The following YTHDF1 variants were observed in gnomAD, a reference collection of about 807,000 sequenced individuals.
The protein encoded by YTHDF1 is YTH N6-methyladenosine RNA binding protein F1, also known as YTH domain-containing family protein 1.
A neutral mutation model predicts 49.1 loss-of-function variants in YTHDF1; 16 were observed. The ratio of observed to expected loss-of-function variants is 0.33; its 90% CI spans 0.22 to 0.49. The LOEUF is 0.49. YTHDF1 is among the 20% of genes least tolerant of loss of function. YTHDF1 has a pLI of 0.99. For missense variants in YTHDF1, 621 were observed against 744.3 expected, an observed-to-expected ratio of 0.83 and a Z score of 1.93; for synonymous variants, 313 against 290.1, an observed-to-expected ratio of 1.08 and a Z score of -0.80.
At chr20:63,196,838 G>C in intron 4 of YTHDF1, 104 bp from the exon 5 acceptor site, 1 of 1,374,340 alleles carries the variant, frequency 7.3e-7, no homozygotes, top group Non-Finnish European at 1.0e-6. Flanking sequence ...TGCAAATCTG[G>C]AGGCGGGACC....
chr20:63,197,288 C>G (rs967067848), intron 4 of YTHDF1, among the ~76,000 whole-genome samples: 1 of 152,158 alleles, frequency 6.6e-6, no homozygotes, highest in African/African-American at 2.4e-5. Flanking sequence ...AGTTCAGGCC[C>G]TTCCCACTCC....
In YTHDF1 at chr20:63,196,077, A is replaced by AG. The variant is rs2058022896; in HGVS notation, c.*630dup. The AG allele has an allele frequency of 6.6e-6, 1 of 151,340 alleles. No individual in the cohort carries two copies. Among genetic ancestry groups the AG allele is most frequent in the Non-Finnish European group, 1.5e-5 (1 of 67,992 alleles). 9.4% of individuals were successfully genotyped at this position (151,340 alleles called of 1,614,324 possible). A position where few individuals can be genotyped will look rare whatever the true frequency, so the allele number is the denominator to read the frequency against. Reference sequence around the variant, plus strand: ...AGCCCAATCGGACACCAGGACAGTGAGGGACGGGTGGCTGTTCAGTGGGCA... The same window carrying AG: ...AGCCCAATCGGACACCAGGACAGTGAGGGGACGGGTGGCTGTTCAGTGGGCA... On this transcript the variant is annotated 3_prime_UTR_variant, in exon 5 of 5. Transcript: ENST00000370339.
At chr20:63,213,407 G>A (rs1188275337) in intron 3 of YTHDF1, among the ~76,000 whole-genome samples, 5 of 152,346 alleles carry the variant, frequency 3.3e-5, no homozygotes, top group Middle Eastern at 3.4e-3. Context: ...GCTCCAGCCT[G>A]GGTGGCAAGA....
rs374927858 is a variant in YTHDF1, at chr20:63,203,342, C to T, written c.598G>A (p.Val200Ile). The T allele has an allele frequency of 1.4e-4, 223 of 1,613,140 alleles. No individual in the cohort carries two copies. The highest frequency in any genetic ancestry group is 1.8e-4 in the Non-Finnish European group (214 of 1,179,860). ...CTGACGACAGAGCCCACCGTCTTGA[C>T]GGCGGAGGAGCTGACGTCCCCAATC... ...LKIGDVSSSA[V>I]KTVGSVVSSV... The change falls in exon 4 of 5, where the codon GTC becomes ATC. Residue 200 changes from valine (V) to isoleucine (I), a missense_variant. Val to Ile is a conservative substitution (Grantham distance 29). Coordinates refer to ENST00000370339, the MANE Select transcript of YTHDF1 (RefSeq NM_017798.4). The surrounding 1 kb of genome is among the most constrained non-coding windows in gnomAD (Gnocchi z 4.4).
In YTHDF1 at chr20:63,203,895, G is replaced by A. The variant is rs2122979432; in HGVS notation, c.133-88C>T. ...CGCCTCTTGCTTAAGCACAGGTGGA[G>A]CAAAAACAAAACCTGCACAGCATGG... On this transcript the variant is annotated intron_variant, in intron 3 of 4. Coordinates refer to ENST00000370339, the MANE Select transcript of YTHDF1 (RefSeq NM_017798.4). The surrounding 1 kb of genome is among the most constrained non-coding windows in gnomAD (Gnocchi z 4.4). The A allele has an allele frequency of 2.3e-6, 3 of 1,320,688 alleles. No individual in the cohort carries two copies. Among genetic ancestry groups the A allele is most frequent in the South Asian group, 3.0e-5 (2 of 66,520 alleles). 81.8% of individuals were successfully genotyped at this position (1,320,688 alleles called of 1,614,324 possible). A position where few individuals can be genotyped will look rare whatever the true frequency, so the allele number is the denominator to read the frequency against.
At chr20:63,200,844 C>T (rs1214373852) in intron 4 of YTHDF1, among the ~76,000 whole-genome samples, 1 of 152,168 alleles carries the variant, frequency 6.6e-6, no homozygotes, top group African/African-American at 2.4e-5. Flanking sequence ...CCTAAAGCTT[C>T]ATTAGCAATT....
intron 3 of YTHDF1, among the ~76,000 whole-genome samples, chr20:63,210,157 G>A (rs561441059): frequency 9.2e-5 from 14 of 152,212 alleles, no homozygotes; most frequent in Admixed American, 2.6e-4. Flanking sequence ...CAGGTGCCAG[G>A]AATTTTTCAG....
At position 63,202,549 on chromosome 20, in the gene YTHDF1, AC is replaced by A; in HGVS notation, c.1390del (p.Val464SerfsTer50). On this transcript the variant is annotated frameshift_variant, in exon 4 of 5. Transcript: ENST00000370339. LOFTEE classifies it high-confidence loss of function. ...CCCCTTCCACTTGTCCTGAGACCAG[AC>A]CCCGGCACTGGTGCCGTAGTCCACG... ...SPVDYGTSAG[V>X]WSQDKWKGKF... 1 of 1,614,202 alleles carries A rather than the reference AC, an allele frequency of 6.2e-7. No individual in the cohort carries two copies. Among genetic ancestry groups the A allele is most frequent in the Non-Finnish European group, 8.5e-7 (1 of 1,180,032 alleles).
chr20:63,210,619 A>G (rs1246217131), intron 3 of YTHDF1, among the ~76,000 whole-genome samples: 1 of 152,012 alleles, frequency 6.6e-6, no homozygotes, highest in Non-Finnish European at 1.5e-5. Context: ...CCCCGTCCCT[A>G]CTAAAAATAC....
Position 63,203,373 on chromosome 20 carries a change from G to A in YTHDF1, c.567C>T (p.Gly189=). Residue 189 remains glycine, a synonymous_variant, in exon 4 of 5, where the codon GGC becomes GGT. Coordinates refer to ENST00000370339, the MANE Select transcript of YTHDF1 (RefSeq NM_017798.4). This position sits in a 1 kb window ranked among gnomAD's most constrained non-coding sequence, Gnocchi z 4.4. ...AGGAGCTGACGTCCCCAATCTTCAGGCCAACCATGCCCTGCTCCAGGCTGT... is the reference window on the plus strand; with the variant it reads ...AGGAGCTGACGTCCCCAATCTTCAGACCAACCATGCCCTGCTCCAGGCTGT... ...GMNSLEQGMV[G]LKIGDVSSSA... The A allele has an allele frequency of 1.2e-6, 2 of 1,613,080 alleles. No homozygotes were observed. Among genetic ancestry groups the A allele is most frequent in the Non-Finnish European group, 1.7e-6 (2 of 1,179,800 alleles).
chr20:63,212,129 A>C (rs2066577460), intron 3 of YTHDF1, among the ~76,000 whole-genome samples: 1 of 152,252 alleles, frequency 6.6e-6, no homozygotes, highest in Non-Finnish European at 1.5e-5. Flanking sequence ...AAAATTAGTT[A>C]ACTTCCTGCC....
At chr20:63,211,818 G>A (rs1383814436) in intron 3 of YTHDF1, among the ~76,000 whole-genome samples, 1 of 152,150 alleles carries the variant, frequency 6.6e-6, no homozygotes, top group African/African-American at 2.4e-5. Context: ...ATCACCAGGT[G>A]TAGTGGTGCA....
At chr20:63,199,053 T>C (rs907174362) in intron 4 of YTHDF1, among the ~76,000 whole-genome samples, 20 of 152,352 alleles carry the variant, frequency 1.3e-4, no homozygotes, top group African/African-American at 4.8e-4. Context: ...TACTTCACTT[T>C]CTCAACACTC....
Position 63,202,438 on chromosome 20 carries a change from G to C in YTHDF1, c.1502C>G (p.Pro501Arg). 1 of 1,614,246 alleles carries C rather than the reference G, an allele frequency of 6.2e-7. No individual in the cohort carries two copies. ...HIRLENNDNK[P>R]VTNSRDTQEV... is the part of the protein sequence containing the mutation. ...CTGGGTGTCCCGGGAGTTTGTGACCGGTTTGTTGTCGTTATTCTCCAGCCT... is the reference window on the plus strand; with the variant it reads ...CTGGGTGTCCCGGGAGTTTGTGACCCGTTTGTTGTCGTTATTCTCCAGCCT... The change falls in exon 4 of 5, where the codon CCG becomes CGG. Residue 501 changes from proline (P) to arginine (R), a missense_variant. Physicochemically the swap from Pro to Arg is moderately radical, Grantham distance 103 (BLOSUM62 -2). This residue lies in a region of YTHDF1 where 151 missense variants were observed against 248.5 expected (regional missense o/e 0.61). Transcript: ENST00000370339.
chr20:63,211,687 C>T (rs1481119578), intron 3 of YTHDF1, among the ~76,000 whole-genome samples: 1 of 152,130 alleles, frequency 6.6e-6, no homozygotes, highest in African/African-American at 2.4e-5. Flanking sequence ...GGCACAGTGG[C>T]TCATACCTGT....
Position 63,196,685 on chromosome 20 carries a change from A to G in YTHDF1, c.*23T>C. On this transcript the variant is annotated 3_prime_UTR_variant, in exon 5 of 5. Transcript: ENST00000370339. ...ACTGTTTTCAAAGTCAAACGTTAGA[A>G]CATGTAAGAAACTGGTTCGCCCTCA... The G allele has an allele frequency of 6.2e-7, 1 of 1,613,888 alleles. No homozygotes were observed. The highest frequency in any genetic ancestry group is 8.5e-7 in the Non-Finnish European group (1 of 1,179,890).
At position 63,196,193 on chromosome 20, in the gene YTHDF1, A is replaced by C. The variant is rs916652776; in HGVS notation, c.*515T>G. The C allele has an allele frequency of 2.6e-5, 4 of 152,274 alleles. No homozygotes were observed. Among genetic ancestry groups the C allele is most frequent in the Non-Finnish European group, 4.4e-5 (3 of 68,086 alleles). 9.4% of individuals were successfully genotyped at this position (152,274 alleles called of 1,614,324 possible). ...AGTTATCTGTCTAGCAGAAAAATCA[A>C]ATGGGTAAATTAGCACTTTAGACCG... On this transcript the variant is annotated 3_prime_UTR_variant, in exon 5 of 5. Coordinates refer to ENST00000370339, the MANE Select transcript of YTHDF1 (RefSeq NM_017798.4).
chr20:63,197,670 T>G (rs920852110), intron 4 of YTHDF1, among the ~76,000 whole-genome samples: 4 of 152,010 alleles, frequency 2.6e-5, no homozygotes, highest in Non-Finnish European at 5.9e-5. Context: ...CTTGAGCCCA[T>G]GAGTTTTCGG....
chr20:63,209,136 G>C (rs2066561897), intron 3 of YTHDF1, among the ~76,000 whole-genome samples: 1 of 152,270 alleles, frequency 6.6e-6, no homozygotes, highest in East Asian at 1.9e-4. Context: ...CCTGTACAGA[G>C]CACTTACGGT....
Sources: allele counts gnomAD v4.1 joint callset (sites outside exome capture counted in the v4.1 genomes callset), GRCh38; gene constraint gnomAD v4.1.1; regional missense constraint gnomAD v4.1.1; non-coding constraint Gnocchi (gnomAD v3.1); transcripts MANE v1.5; gene names NCBI Gene and HGNC (gene_info 2026-07-23, HGNC 2026-07-21).